Variants in CHST9 observed in about 807,000 individuals in gnomAD.
The protein encoded by CHST9 is carbohydrate sulfotransferase 9, also known as GalNAc-4-sulfotransferase 2.
Under a neutral mutation model 44.4 loss-of-function variants are expected in CHST9, and 41 were observed. The observed-to-expected ratio is 0.92, with a 90% confidence interval of 0.72 to 1.20. The LOEUF is 1.20. CHST9 is among the 50% of genes most tolerant of loss of function. The pLI is 0.00. For synonymous variants in CHST9, 171 were observed against 178.4 expected (o/e 0.96, Z 0.33); for missense variants, 504 against 516.5 (o/e 0.98, Z 0.23).
intron 4 of CHST9, among the ~76,000 whole-genome samples, chr18:27,018,505 A>C (rs2057181449): frequency 6.6e-6 from 1 of 152,192 alleles, no homozygotes; most frequent in Non-Finnish European, 1.5e-5. Context: ...GGACAGCCCC[A>C]GTGTGTGCAG....
chr18:26,924,869 A>G (rs188386416), intron 5 of CHST9: 1 of 152,354 alleles, frequency 6.6e-6, no homozygotes, highest in East Asian at 1.9e-4. Flanking sequence ...CCTAATATCC[A>G]GTGCCATCTG....
intron 5 of CHST9, among the ~76,000 whole-genome samples, chr18:26,924,244 CT>C (rs2055720289): frequency 6.6e-6 from 1 of 152,060 alleles, no homozygotes; most frequent in South Asian, 2.1e-4. Flanking sequence ...TTGAGACAAA[CT>C]TAGGAAACTG....
chr18:27,093,139 G>T (rs192088955), intron 2 of CHST9, among the ~76,000 whole-genome samples: 1 of 152,130 alleles, frequency 6.6e-6, no homozygotes, highest in Non-Finnish European at 1.5e-5. Flanking sequence ...CCTATATGAG[G>T]TGTCCATCAG....
chr18:26,955,258 C>A (rs1771743536), intron 4 of CHST9, among the ~76,000 whole-genome samples: 1 of 147,446 alleles, frequency 6.8e-6, no homozygotes. Context: ...CACATCTATA[C>A]CATCATAGTT....
At chr18:27,036,016 T>C (rs1171648149) in intron 3 of CHST9, among the ~76,000 whole-genome samples, 1 of 152,194 alleles carries the variant, frequency 6.6e-6, no homozygotes, top group East Asian at 1.9e-4. Flanking sequence ...TTGTCAATTA[T>C]ACCTCAATGA....
chr18:27,123,251 A>G (rs1165892212), intron 2 of CHST9, among the ~76,000 whole-genome samples: 1 of 152,114 alleles, frequency 6.6e-6, no homozygotes, highest in Non-Finnish European at 1.5e-5. Flanking sequence ...GCTAAGCTGA[A>G]ACTCCATTGA....
intron 5 of CHST9, among the ~76,000 whole-genome samples, chr18:26,931,421 T>C (rs780682270): frequency 2.6e-5 from 4 of 152,210 alleles, no homozygotes; most frequent in Non-Finnish European, 5.9e-5. Flanking sequence ...AACTCACCTA[T>C]AGCCAGTACT....
intron 5 of CHST9, among the ~76,000 whole-genome samples, chr18:26,938,457 G>A (rs1367972776): frequency 1.3e-5 from 2 of 152,020 alleles, no homozygotes; most frequent in African/African-American, 2.4e-5. Flanking sequence ...GGGACATGTG[G>A]GATCTTTACT....
At chr18:27,024,030 A>G (rs2057255326) in intron 4 of CHST9, 86 bp downstream of exon 4, 1 of 1,310,556 alleles carries the variant, frequency 7.6e-7, no homozygotes, top group Middle Eastern at 1.8e-4. Flanking sequence ...CTTAAAAGCC[A>G]CACTCTGAGG....
intron 5 of CHST9, chr18:26,924,497 G>A (rs560569378): frequency 5.3e-5 from 18 of 342,540 alleles, no homozygotes; most frequent in African/African-American, 3.1e-4. Flanking sequence ...CTGGATTCAT[G>A]GGCCTTGAAG....
chr18:27,135,144 T>C (rs2058503094), intron 2 of CHST9, among the ~76,000 whole-genome samples: 1 of 152,304 alleles, frequency 6.6e-6, no homozygotes, highest in Non-Finnish European at 1.5e-5. Flanking sequence ...CATCATGTTG[T>C]GTACCATAAG....
chr18:27,165,906 T>C (rs1413289481), intron 1 of CHST9, among the ~76,000 whole-genome samples: 2 of 152,182 alleles, frequency 1.3e-5, no homozygotes, highest in Non-Finnish European at 2.9e-5. Context: ...CACAGCCACA[T>C]AGAACTTCCT....
chr18:27,114,099 A>T lies in CHST9; in HGVS notation c.121+28590T>A, dbSNP rs540810484. Among the ~76,000 whole-genome samples the T allele has an allele frequency of 1.1e-4, 17 of 152,330 alleles. No individual in the cohort carries two copies. The South Asian group carries it at 3.3e-3, about 30-fold the overall frequency. On this transcript the variant is annotated intron_variant, in intron 2 of 5. Transcript: ENST00000618847. ...GCAGAGGATATAAAGAGACAAACTG[A>T]CATAATGCAAACTTGCTTAGTGGAC...
chr18:27,090,164 T>C (rs556145102), intron 2 of CHST9, among the ~76,000 whole-genome samples: 2 of 152,280 alleles, frequency 1.3e-5, no homozygotes, highest in South Asian at 4.1e-4. Flanking sequence ...GGTATCTCAT[T>C]GTGGTTTTGA....
chr18:27,158,711 A>G (rs2058718748), intron 1 of CHST9, among the ~76,000 whole-genome samples: 1 of 151,824 alleles, frequency 6.6e-6, no homozygotes, highest in Non-Finnish European at 1.5e-5. Context: ...ACTAGTTTAC[A>G]GTCCCACCAA....
intron 2 of CHST9, among the ~76,000 whole-genome samples, chr18:27,117,412 T>C (rs577813917): frequency 3.0e-4 from 46 of 152,270 alleles, no homozygotes; most frequent in South Asian, 1.5e-3. Flanking sequence ...AGTGGACTCA[T>C]AGTTTACATT....
chr18:27,019,248 A>G (rs546484270), intron 4 of CHST9, among the ~76,000 whole-genome samples: 1 of 152,368 alleles, frequency 6.6e-6, no homozygotes, highest in Non-Finnish European at 1.5e-5. Context: ...GTGGACCCAC[A>G]GTAGCCTGCA....
chr18:26,967,540 G>C (rs1326884582), intron 4 of CHST9, among the ~76,000 whole-genome samples: 1 of 152,128 alleles, frequency 6.6e-6, no homozygotes, highest in Non-Finnish European at 1.5e-5. Flanking sequence ...GATAACTATT[G>C]TATGTGTTTA....
rs75078509 is a variant in CHST9, at chr18:27,165,292, A to T, written c.-97+19844T>A. Reference sequence around the variant, plus strand: ...TAAGATGCTATTAACTTCAGGGAAAATAGAAAATGCAGAAAAGGAAAAAAT... The same window carrying T: ...TAAGATGCTATTAACTTCAGGGAAATTAGAAAATGCAGAAAAGGAAAAAAT... On this transcript the variant is annotated intron_variant, in intron 1 of 5. Transcript: ENST00000618847. Among the ~76,000 whole-genome samples, 884 of 152,358 alleles carry T rather than the reference A, an allele frequency of 5.8e-3. 13 individuals carry two copies. The highest frequency in any genetic ancestry group is 0.02 in the African/African-American group (838 of 41,588).
Sources: gnomAD v4.1 joint callset for allele counts (sites outside exome capture counted in the v4.1 genomes callset) on GRCh38, gnomAD v4.1.1 for gene constraint, MANE v1.5 for transcripts, NCBI Gene and HGNC (gene_info 2026-07-23, HGNC 2026-07-21) for gene names.